Variants in PHF21B observed in about 807,000 individuals in gnomAD.
The protein encoded by PHF21B is PHD finger protein 4.
Under a neutral mutation model 62.2 loss-of-function variants are expected in PHF21B, and 22 were observed. The ratio of observed to expected loss-of-function variants is 0.35; its 90% confidence interval spans 0.25 to 0.51. PHF21B has a LOEUF of 0.51. Ranked by LOEUF, PHF21B falls within the 20% of genes least tolerant of loss-of-function variation. PHF21B has a pLI of 0.97. For missense variants in PHF21B, 701 were observed against 707.9 expected (o/e 0.99, Z 0.11); for synonymous variants, 341 against 314.7 (o/e 1.08, Z -0.88).
At chr22:44,971,110 C>T (rs1048410275) in intron 2 of PHF21B, 3 of 152,202 alleles carry the variant, frequency 2.0e-5, no homozygotes, top group African/African-American at 7.2e-5. Flanking sequence ...ATCTAAAACC[C>T]TGGGAGGAAA....
In PHF21B at chr22:44,952,886, CCT is replaced by C. The variant is rs879412817; in HGVS notation, c.121-32398_121-32397del. ...TCAGGACAAAAGGCAGGATTCAGCCCCTGTGTCGGGCACCCTCCTAGCCCTCG... is the reference window on the plus strand; with the variant it reads ...TCAGGACAAAAGGCAGGATTCAGCCCGTGTCGGGCACCCTCCTAGCCCTCG... On this transcript the variant is annotated intron_variant, in intron 2 of 12. Transcript: ENST00000313237. Among the ~76,000 whole-genome samples, 12 of 152,318 alleles carry C rather than the reference CCT, an allele frequency of 7.9e-5. No homozygotes were observed. The South Asian group carries it at 1.0e-3, about 13-fold the overall frequency.
At chr22:44,887,571 AT>A (rs980147779) in intron 10 of PHF21B, among the ~76,000 whole-genome samples, 5 of 151,948 alleles carry the variant, frequency 3.3e-5, no homozygotes, top group Non-Finnish European at 7.4e-5. Flanking sequence ...CCTGGCCAAC[AT>A]GGTGAAACCC....
chr22:44,903,028 C>T (rs991575763), intron 5 of PHF21B, among the ~76,000 whole-genome samples: 2 of 152,208 alleles, frequency 1.3e-5, no homozygotes, highest in East Asian at 3.9e-4. Flanking sequence ...GCCTCTCCCC[C>T]ATGGTCAAAG....
At chr22:44,935,561 C>T (rs1323790441) in intron 2 of PHF21B, among the ~76,000 whole-genome samples, 1 of 151,904 alleles carries the variant, frequency 6.6e-6, no homozygotes, top group Non-Finnish European at 1.5e-5. Flanking sequence ...TTGCAGTGAG[C>T]CGAGATCGAG....
intron 2 of PHF21B, among the ~76,000 whole-genome samples, chr22:44,958,043 C>T (rs571890710): frequency 2.6e-5 from 4 of 152,206 alleles, no homozygotes; most frequent in Admixed American, 2.0e-4. Flanking sequence ...GCTAGGATTA[C>T]AGGCATGTGC....
At chr22:44,995,945 G>A (rs1192217324) in intron 2 of PHF21B, among the ~76,000 whole-genome samples, 1 of 152,154 alleles carries the variant, frequency 6.6e-6, no homozygotes, top group Admixed American at 6.5e-5. Context: ...CGTGGCAAGG[G>A]GCTCAAAGAT....
Position 44,994,075 on chromosome 22 carries a change from A to G in PHF21B, c.120+14470T>C, listed in dbSNP as rs138006304. ...TGAGAGAAGGACAGGGAGCAGACCC[A>G]CATACTGAGCCAAAGGCACCTGCTG... On this transcript the variant is annotated intron_variant, in intron 2 of 12. Transcript: ENST00000313237. 4.5e-3 allele frequency among the ~76,000 whole-genome samples: 686 copies of G among 152,316 alleles called. 3 individuals carry two copies. Among genetic ancestry groups the G allele is most frequent in the Non-Finnish European group, 7.9e-3 (539 of 68,022 alleles).
intron 2 of PHF21B, among the ~76,000 whole-genome samples, chr22:44,962,653 A>G (rs113268299): frequency 2.6e-5 from 4 of 152,342 alleles, no homozygotes; most frequent in African/African-American, 9.6e-5. Context: ...TACTGGCTGT[A>G]TTTCTCTGGG....
At chr22:44,966,699 G>A (rs762708070) in intron 2 of PHF21B, among the ~76,000 whole-genome samples, 59 of 152,128 alleles carry the variant, frequency 3.9e-4, no homozygotes, top group Admixed American at 1.6e-3. Context: ...ATGAGGTAGC[G>A]GTAGCCCCCG....
chr22:44,949,901 A>C (rs1222833631), intron 2 of PHF21B, among the ~76,000 whole-genome samples: 2 of 152,232 alleles, frequency 1.3e-5, no homozygotes, highest in Non-Finnish European at 2.9e-5. Context: ...CATGTACTTT[A>C]ACGTGACTGA....
intron 2 of PHF21B, among the ~76,000 whole-genome samples, chr22:44,945,782 G>A (rs560557637): frequency 5.9e-5 from 9 of 152,068 alleles, no homozygotes; most frequent in South Asian, 2.1e-4. Context: ...GGGTAAGCAC[G>A]AGGGGTCAGC....
chr22:44,918,625 C>A (rs2071481716), intron 3 of PHF21B, among the ~76,000 whole-genome samples: 1 of 152,242 alleles, frequency 6.6e-6, no homozygotes, highest in African/African-American at 2.4e-5. Flanking sequence ...CGTGAGCCAC[C>A]TGGGACAGCA....
intron 2 of PHF21B, among the ~76,000 whole-genome samples, chr22:44,944,742 A>C (rs1229591732): frequency 1.3e-5 from 2 of 152,220 alleles, no homozygotes; most frequent in East Asian, 3.9e-4. Flanking sequence ...GGAAGAAACA[A>C]GCTGACCGAG....
intron 2 of PHF21B, among the ~76,000 whole-genome samples, chr22:44,976,127 C>A (rs1191527802): frequency 2.0e-5 from 3 of 152,174 alleles, no homozygotes; most frequent in East Asian, 3.9e-4. Flanking sequence ...GTCATGATTG[C>A]GCCACTGCAC....
chr22:44,883,348 C>T (rs1182261677), intron 12 of PHF21B, 44 bp from the exon 13 acceptor site: 1 of 1,578,034 alleles, frequency 6.3e-7, no homozygotes, highest in Non-Finnish European at 8.6e-7. Context: ...GTATTCGGCT[C>T]TACAGCCATC....
chr22:44,965,913 T>G (rs1381883734), intron 2 of PHF21B, among the ~76,000 whole-genome samples: 1 of 152,124 alleles, frequency 6.6e-6, no homozygotes, highest in African/African-American at 2.4e-5. Context: ...CACCCCCTGC[T>G]CCACCACTTC....
At chr22:44,908,419 G>A (rs2071288827) in intron 5 of PHF21B, among the ~76,000 whole-genome samples, 1 of 152,106 alleles carries the variant, frequency 6.6e-6, no homozygotes, top group Admixed American at 6.5e-5. Context: ...GGCCTTATGG[G>A]GTCTGAGAGC....
At chr22:44,937,564 C>G (rs908618774) in intron 2 of PHF21B, among the ~76,000 whole-genome samples, 5 of 152,250 alleles carry the variant, frequency 3.3e-5, no homozygotes, top group African/African-American at 1.2e-4. Context: ...TCTGACCCAG[C>G]AATTTCACTC....
intron 2 of PHF21B, among the ~76,000 whole-genome samples, chr22:44,951,053 A>C (rs1176767102): frequency 6.6e-6 from 1 of 152,176 alleles, no homozygotes; most frequent in African/African-American, 2.4e-5. Flanking sequence ...CAACTGAAGT[A>C]CATCAACTCA....
Sources: gnomAD v4.1 joint callset for allele counts (sites outside exome capture counted in the v4.1 genomes callset) on GRCh38, gnomAD v4.1.1 for gene constraint, MANE v1.5 for transcripts, NCBI Gene and HGNC (gene_info 2026-07-23, HGNC 2026-07-21) for gene names.